CERS6: variants seen among roughly 807,000 people sequenced by gnomAD.
CERS6 encodes the protein ceramide synthase 6.
CERS6 carries 26 observed loss-of-function variants against 56.8 expected under a neutral mutation model. That is an observed-to-expected ratio of 0.46 (90% CI 0.34 to 0.63). The LOEUF is 0.63. Among genes scored for constraint, CERS6 ranks in the 30% least tolerant of loss-of-function variants. CERS6 has a pLI of 0.01. For missense variants in CERS6, 415 were observed against 467.5 expected, an observed-to-expected ratio of 0.89 and a Z score of 1.04; for synonymous variants, 164 against 173.3, an observed-to-expected ratio of 0.95 and a Z score of 0.42.
At chr2:168,571,487 G>A (rs189931773) in intron 3 of CERS6, among the ~76,000 whole-genome samples, 2 of 152,116 alleles carry the variant, frequency 1.3e-5, no homozygotes, top group African/African-American at 2.4e-5. Context: ...TTTGGACTAA[G>A]TAACAGGGTA....
chr2:168,620,012 CAT>C (rs35231449), intron 3 of CERS6, among the ~76,000 whole-genome samples: 72,869 of 107,450 alleles, frequency 0.68, 23,352 homozygotes, highest in South Asian at 0.85. Context: ...TTCCACAATC[CAT>C]ACACACACAC....
intron 1 of CERS6, among the ~76,000 whole-genome samples, chr2:168,494,642 A>G (rs1043352171): frequency 2.0e-5 from 3 of 152,154 alleles, no homozygotes; most frequent in African/African-American, 7.2e-5. Flanking sequence ...ACCATGTTCA[A>G]GAGACCGAAG....
At chr2:168,565,370 A>G (rs1695866599) in intron 3 of CERS6, among the ~76,000 whole-genome samples, 1 of 152,150 alleles carries the variant, frequency 6.6e-6, no homozygotes, top group South Asian at 2.1e-4. Flanking sequence ...TATATCATGG[A>G]AAAAAATGCC....
At chr2:168,547,769 T>C in intron 2 of CERS6, 68 bp downstream of exon 2, 4 of 1,119,720 alleles carry the variant, frequency 3.6e-6, no homozygotes, top group Non-Finnish European at 5.4e-6. Flanking sequence ...GTCATTCAAT[T>C]TGTCCCCTTC....
intron 1 of CERS6, among the ~76,000 whole-genome samples, chr2:168,479,694 C>T (rs1235529596): frequency 4.6e-5 from 7 of 152,118 alleles, no homozygotes; most frequent in African/African-American, 1.2e-4. Context: ...CTGCAACCTC[C>T]TCCTCCTGTG....
chr2:168,686,160 C>T lies in CERS6; in HGVS notation c.466-4874C>T, dbSNP rs566324496. ...GCAGATAAGGTCTGGTAAGGATTGG[C>T]GTCTAGTGAGGGCACTCTTCCTAGT... On this transcript the variant is annotated intron_variant, in intron 4 of 9. Transcript: ENST00000305747. Among the ~76,000 whole-genome samples, 12 of 148,946 alleles carry T rather than the reference C, an allele frequency of 8.1e-5. No individual in the cohort carries two copies. In the East Asian group the frequency reaches 1.6e-3, roughly 20 times the overall value.
chr2:168,653,451 A>G (rs1685394318), intron 4 of CERS6, among the ~76,000 whole-genome samples: 1 of 152,220 alleles, frequency 6.6e-6, no homozygotes, highest in African/African-American at 2.4e-5. Context: ...CTGTAACACA[A>G]TGAAGGATTC....
At chr2:168,528,295 T>C (rs1695105178) in intron 1 of CERS6, among the ~76,000 whole-genome samples, 1 of 152,216 alleles carries the variant, frequency 6.6e-6, no homozygotes, top group African/African-American at 2.4e-5. Flanking sequence ...TTCTGGTTTC[T>C]TACTTTTCCC....
At chr2:168,614,272 T>G (rs1684257395) in intron 3 of CERS6, among the ~76,000 whole-genome samples, 1 of 152,270 alleles carries the variant, frequency 6.6e-6, no homozygotes, top group Non-Finnish European at 1.5e-5. Flanking sequence ...ACACATATTT[T>G]CATAATATAC....
intron 9 of CERS6, 98 bp from the exon 10 acceptor site, chr2:168,769,412 A>G: frequency 1.8e-6 from 2 of 1,087,168 alleles, no homozygotes; most frequent in Middle Eastern, 2.7e-4. Context: ...TAACATTGGG[A>G]TCTGTTTCCC....
At chr2:168,675,173 C>T (rs1234465382) in intron 4 of CERS6, among the ~76,000 whole-genome samples, 3 of 151,988 alleles carry the variant, frequency 2.0e-5, no homozygotes, top group African/African-American at 7.2e-5. Context: ...GGGGTTTCAC[C>T]AGGTTGGCTA....
intron 4 of CERS6, among the ~76,000 whole-genome samples, chr2:168,676,377 C>T (rs1218301024): frequency 6.6e-6 from 1 of 152,008 alleles, no homozygotes; most frequent in Non-Finnish European, 1.5e-5. Flanking sequence ...CACTGATGTA[C>T]GGAGATCTTG....
rs1348559929 is a variant in CERS6 at position 168,695,035 on chromosome 2, C to T, written c.593C>T (p.Thr198Ile). Residue 198 changes from threonine (T) to isoleucine (I), a missense_variant, in exon 6 of 10, where the codon ACT (threonine) becomes ATT (isoleucine). Physicochemically the swap from Thr to Ile is moderately conservative, Grantham distance 89. Transcript: ENST00000305747. ...TGGTCTTTGATGTTTTCTCAGTTCACTGATATCAAAAGAAAGGTAAGAGCG... is the reference window on the plus strand; with the variant it reads ...TGGTCTTTGATGTTTTCTCAGTTCATTGATATCAAAAGAAAGGTAAGAGCG... Reference protein sequence around the residue: ...FYWSLMFSQFTDIKRKDFGIM... With the variant: ...FYWSLMFSQFIDIKRKDFGIM... 3 of 1,612,706 alleles carry T rather than the reference C, an allele frequency of 1.9e-6. No homozygotes were observed. The highest frequency in any genetic ancestry group is 2.5e-6 in the Non-Finnish European group (3 of 1,179,036).
chr2:168,621,287 G>A (rs891532664), intron 3 of CERS6, among the ~76,000 whole-genome samples: 2 of 152,126 alleles, frequency 1.3e-5, no homozygotes, highest in Non-Finnish European at 2.9e-5. Context: ...TGCATGTTCC[G>A]AAGTCATATT....
At chr2:168,755,055 C>T (rs1168303774) in intron 8 of CERS6, among the ~76,000 whole-genome samples, 3 of 152,164 alleles carry the variant, frequency 2.0e-5, no homozygotes, top group Non-Finnish European at 4.4e-5. Flanking sequence ...CAGGCGTGAG[C>T]CACCATGCCC....
chr2:168,629,835 AGATG>A (rs1684670924), intron 3 of CERS6, among the ~76,000 whole-genome samples: 1 of 150,834 alleles, frequency 6.6e-6, no homozygotes, highest in African/African-American at 2.4e-5. Context: ...TTTTTTTTTG[AGATG>A]GAGTCTCACT....
At chr2:168,513,485 G>A (rs1464026043) in intron 1 of CERS6, among the ~76,000 whole-genome samples, 1 of 152,110 alleles carries the variant, frequency 6.6e-6, no homozygotes, top group African/African-American at 2.4e-5. Context: ...AAGAGTTCTG[G>A]TCAGGTATTT....
At chr2:168,665,693 C>T (rs1685739481) in intron 4 of CERS6, among the ~76,000 whole-genome samples, 1 of 147,308 alleles carries the variant, frequency 6.8e-6, no homozygotes, top group African/African-American at 2.7e-5. Flanking sequence ...AGTATCTTTA[C>T]ATGTTCACTG....
intron 4 of CERS6, among the ~76,000 whole-genome samples, chr2:168,682,973 AAG>A (rs1404513749): frequency 6.6e-6 from 1 of 152,226 alleles, no homozygotes; most frequent in Non-Finnish European, 1.5e-5. Context: ...TTGTTATAAA[AAG>A]AATTATAATG....
Sources: allele counts gnomAD v4.1 joint callset (sites outside exome capture counted in the v4.1 genomes callset), GRCh38; gene constraint gnomAD v4.1.1; transcripts MANE v1.5; gene names NCBI Gene and HGNC (gene_info 2026-07-23, HGNC 2026-07-21).